The following GPBP1 variants were observed in gnomAD, a reference collection of about 807,000 sequenced individuals.
GPBP1 encodes GC-rich promoter binding protein 1.
In GPBP1, 13 loss-of-function variants were observed where a neutral mutation model predicts 56.5. The ratio of observed to expected loss-of-function variants is 0.23; its 90% CI spans 0.15 to 0.37. GPBP1 has a LOEUF of 0.37. GPBP1 is among the 10% of genes least tolerant of loss of function. The pLI is 1.00. For synonymous variants in GPBP1, 204 were observed against 188.9 expected, an observed-to-expected ratio of 1.08 and a Z score of -0.66; for missense variants, 477 against 572.3, an observed-to-expected ratio of 0.83 and a Z score of 1.70.
intron 2 of GPBP1, among the ~76,000 whole-genome samples, chr5:57,198,705 C>G (rs1231964637): frequency 1.3e-5 from 2 of 151,960 alleles, no homozygotes; most frequent in Non-Finnish European, 2.9e-5. Context: ...AAACATTAGC[C>G]GAGCATGGTG....
chr5:57,247,714 G>A (rs1741159932), intron 8 of GPBP1, among the ~76,000 whole-genome samples: 1 of 151,924 alleles, frequency 6.6e-6, no homozygotes. Context: ...GGATGGGGGG[G>A]AATTCCAAAC....
chr5:57,225,763 C>T (rs1756159437), intron 3 of GPBP1, among the ~76,000 whole-genome samples: 1 of 152,168 alleles, frequency 6.6e-6, no homozygotes, highest in Non-Finnish European at 1.5e-5. Flanking sequence ...GGAGATGACA[C>T]TGACACACTG....
chr5:57,198,149 C>G (rs1197418405), intron 2 of GPBP1, among the ~76,000 whole-genome samples: 1 of 152,190 alleles, frequency 6.6e-6, no homozygotes, highest in African/African-American at 2.4e-5. Context: ...ACTCTGCCCT[C>G]CTTTGTATCT....
intron 3 of GPBP1, among the ~76,000 whole-genome samples, chr5:57,225,620 G>A (rs1756153464): frequency 6.6e-6 from 1 of 152,038 alleles, no homozygotes; most frequent in Admixed American, 6.6e-5. Flanking sequence ...CCAATTTCAT[G>A]GCTGTGGAGG....
intron 2 of GPBP1, among the ~76,000 whole-genome samples, chr5:57,212,653 CTTTTCT>C (rs891900497): frequency 6.7e-6 from 1 of 149,312 alleles, no homozygotes; most frequent in African/African-American, 2.5e-5. Flanking sequence ...CTTAACCTTT[CTTTTCT>C]TTTTCTTTTT....
At chr5:57,180,380 A>C (rs1424606422) in intron 2 of GPBP1, among the ~76,000 whole-genome samples, 1 of 152,170 alleles carries the variant, frequency 6.6e-6, no homozygotes, top group Non-Finnish European at 1.5e-5. Context: ...TCAGCCTCCC[A>C]AAGTGCTGGG....
chr5:57,244,727 ATTTTTTTTTTT>A (rs532660984), intron 6 of GPBP1, among the ~76,000 whole-genome samples: 12 of 93,154 alleles, frequency 1.3e-4, no homozygotes, highest in African/African-American at 4.4e-4. Flanking sequence ...TTTGTTTGAG[ATTTTTTTTTTT>A]TTTTTTTTTT....
chr5:57,187,472 T>C (rs541240459), intron 2 of GPBP1, among the ~76,000 whole-genome samples: 2 of 152,290 alleles, frequency 1.3e-5, no homozygotes, highest in South Asian at 4.1e-4. Context: ...GCCTATGGTA[T>C]CGTTGGTGCT....
At chr5:57,257,889 G>T (rs1437580235) in intron 10 of GPBP1, among the ~76,000 whole-genome samples, 1 of 152,190 alleles carries the variant, frequency 6.6e-6, no homozygotes, top group Non-Finnish European at 1.5e-5. Flanking sequence ...TGTTTTAAGG[G>T]TGTTGAGTGG....
chr5:57,246,290 A>T lies in GPBP1; in HGVS notation c.479-10A>T, dbSNP rs1741088393. 1 of 1,604,370 alleles carries T rather than the reference A, an allele frequency of 6.2e-7. No individual in the cohort carries two copies. The highest frequency in any genetic ancestry group is 8.5e-7 in the Non-Finnish European group (1 of 1,174,480). On this transcript the variant is annotated splice_polypyrimidine_tract_variant and intron_variant, in intron 6 of 11. Coordinates refer to ENST00000506184, the MANE Select transcript of GPBP1 (RefSeq NM_022913.4). ...TGTGAGTGACTCTTGGTCATGCTTTATTTATGCAGAATATCCTCCGAATCC... is the reference window on the plus strand; with the variant it reads ...TGTGAGTGACTCTTGGTCATGCTTTTTTTATGCAGAATATCCTCCGAATCC...
chr5:57,254,846 G>A (rs1313137505), intron 10 of GPBP1, among the ~76,000 whole-genome samples: 1 of 152,106 alleles, frequency 6.6e-6, no homozygotes, highest in African/African-American at 2.4e-5. Context: ...TTTAGACAAA[G>A]TATAATTTAT....
intron 2 of GPBP1, among the ~76,000 whole-genome samples, chr5:57,197,339 T>C (rs1291268877): frequency 6.6e-6 from 1 of 151,314 alleles, no homozygotes; most frequent in Admixed American, 6.7e-5. Context: ...CTTCCCAAAA[T>C]TGTAAAAGAA....
chr5:57,253,064 TA>T (rs145468928), intron 10 of GPBP1, among the ~76,000 whole-genome samples: 1 of 152,194 alleles, frequency 6.6e-6, no homozygotes, highest in Non-Finnish European at 1.5e-5. Flanking sequence ...TAAAGCGTTT[TA>T]AAAAATAGTG....
At chr5:57,186,008 C>T (rs976270139) in intron 2 of GPBP1, among the ~76,000 whole-genome samples, 2 of 151,566 alleles carry the variant, frequency 1.3e-5, no homozygotes, top group African/African-American at 4.8e-5. Flanking sequence ...GAGAATTCTT[C>T]ATGTATTTTG....
intron 1 of GPBP1, among the ~76,000 whole-genome samples, 193 bp from the exon 2 acceptor site, chr5:57,175,255 C>G (rs937287500): frequency 6.6e-6 from 1 of 152,184 alleles, no homozygotes; most frequent in South Asian, 2.1e-4. Flanking sequence ...TTTTCCCTCC[C>G]TCTACTCCGA....
intron 10 of GPBP1, among the ~76,000 whole-genome samples, chr5:57,258,951 G>A (rs1464953396): frequency 3.3e-5 from 5 of 152,198 alleles, no homozygotes; most frequent in African/African-American, 1.2e-4. Context: ...ATAAAAGTTT[G>A]GATCCAGCAA....
rs375645127 is a variant in GPBP1 at position 57,228,856 on chromosome 5, GAT to G, written c.64-1986_64-1985del. Among the ~76,000 whole-genome samples, 367 of 151,328 alleles carry G rather than the reference GAT, an allele frequency of 2.4e-3. 5 individuals are homozygous for G. The highest frequency in any genetic ancestry group is 8.7e-3 in the African/African-American group (360 of 41,224). On this transcript the variant is annotated intron_variant, in intron 3 of 11. Transcript: ENST00000506184. ...TTAAAAGATGACAAATATAAGTATA[GAT>G]ATACATGTGCATTTCCCTCCCTACT...
At chr5:57,233,244 T>C (rs1424629893) in intron 5 of GPBP1, among the ~76,000 whole-genome samples, 1 of 152,212 alleles carries the variant, frequency 6.6e-6, no homozygotes, top group Non-Finnish European at 1.5e-5. Context: ...AGGAAAAATT[T>C]GATAGATTGG....
intron 3 of GPBP1, among the ~76,000 whole-genome samples, chr5:57,228,103 TTTAA>T (rs1265498715): frequency 1.3e-5 from 2 of 152,308 alleles, no homozygotes; most frequent in East Asian, 3.9e-4. Flanking sequence ...AAGTACCCTG[TTTAA>T]TTACTTCTTT....
Sources: allele counts gnomAD v4.1 joint callset (sites outside exome capture counted in the v4.1 genomes callset), GRCh38; gene constraint gnomAD v4.1.1; transcripts MANE v1.5; gene names NCBI Gene and HGNC (gene_info 2026-07-23, HGNC 2026-07-21).